The following CAMK1D variants were observed in gnomAD, a reference collection of about 807,000 sequenced individuals.
CAMK1D encodes calcium/calmodulin dependent protein kinase ID.
In CAMK1D, 9 loss-of-function variants were observed where a neutral mutation model predicts 47.7. That is an observed-to-expected ratio of 0.19 (90% CI 0.11 to 0.33). The LOEUF (loss-of-function observed/expected upper bound fraction) is 0.33, where lower values mean the gene tolerates loss of function less well. CAMK1D is among the 10% of genes least tolerant of loss of function. The probability of loss-of-function intolerance (pLI) is 1.00; values close to 1 mark genes in which losing one functional copy is unlikely to be tolerated. For synonymous variants in CAMK1D, 184 were observed against 184.9 expected (o/e 0.99, Z 0.04); for missense variants, 291 against 488.7 (o/e 0.60, Z 3.81).
At chr10:12,564,079 C>T (rs1837040058) in intron 2 of CAMK1D, among the ~76,000 whole-genome samples, 1 of 150,842 alleles carries the variant, frequency 6.6e-6, no homozygotes, top group Non-Finnish European at 1.5e-5. Flanking sequence ...GTCTATCTAT[C>T]TAGATATCTA....
chr10:12,809,739 G>C (rs1464083043), intron 6 of CAMK1D, among the ~76,000 whole-genome samples: 1 of 152,178 alleles, frequency 6.6e-6, no homozygotes. Flanking sequence ...TGGAGGGAGA[G>C]ACATGAGGAG....
intron 2 of CAMK1D, among the ~76,000 whole-genome samples, chr10:12,593,573 A>G (rs1000067167): frequency 1.3e-5 from 2 of 152,138 alleles, no homozygotes; most frequent in Non-Finnish European, 1.5e-5. Context: ...CTGGGCAACA[A>G]GAGCGAAACT....
At chr10:12,641,379 T>C (rs932588126) in intron 2 of CAMK1D, among the ~76,000 whole-genome samples, 1 of 152,180 alleles carries the variant, frequency 6.6e-6, no homozygotes, top group African/African-American at 2.4e-5. Context: ...CCCAGCACTT[T>C]AGGAGACTGA....
At chr10:12,461,132 C>T (rs1413447722) in intron 1 of CAMK1D, among the ~76,000 whole-genome samples, 1 of 152,204 alleles carries the variant, frequency 6.6e-6, no homozygotes, top group African/African-American at 2.4e-5. Flanking sequence ...CAGGATCGTC[C>T]TCATCCACCA....
At chr10:12,590,451 C>T (rs1363986002) in intron 2 of CAMK1D, among the ~76,000 whole-genome samples, 3 of 152,176 alleles carry the variant, frequency 2.0e-5, no homozygotes, top group East Asian at 1.9e-4. Flanking sequence ...ATCGTGAACT[C>T]CTGGCCTCAA....
intron 1 of CAMK1D, among the ~76,000 whole-genome samples, chr10:12,501,923 A>G (rs1259125111): frequency 6.6e-6 from 1 of 152,124 alleles, no homozygotes; most frequent in Non-Finnish European, 1.5e-5. Flanking sequence ...TGTGACCTCC[A>G]TGGAGGGGAG....
At chr10:12,728,837 G>A (rs527273625) in intron 3 of CAMK1D, among the ~76,000 whole-genome samples, 26 of 152,306 alleles carry the variant, frequency 1.7e-4, no homozygotes, top group African/African-American at 6.0e-4. Flanking sequence ...GTGTGCGCAC[G>A]CACACGTGCC....
intron 2 of CAMK1D, among the ~76,000 whole-genome samples, chr10:12,556,993 G>A (rs149587909): frequency 6.6e-6 from 1 of 152,312 alleles, no homozygotes; most frequent in Non-Finnish European, 1.5e-5. Flanking sequence ...TAGAGATTCG[G>A]AAGGAATGGG....
At chr10:12,784,493 G>A (rs1460860234) in intron 5 of CAMK1D, among the ~76,000 whole-genome samples, 1 of 150,862 alleles carries the variant, frequency 6.6e-6, no homozygotes, top group Non-Finnish European at 1.5e-5. Context: ...CCACCGTGCC[G>A]GCCAGAGAAA....
intron 1 of CAMK1D, among the ~76,000 whole-genome samples, chr10:12,434,480 G>C (rs746862067): frequency 2.6e-5 from 4 of 152,194 alleles, no homozygotes; most frequent in Non-Finnish European, 5.9e-5. Flanking sequence ...AGGCAGAATT[G>C]TGAGATTGGC....
At chr10:12,472,546 A>G (rs913667453) in intron 1 of CAMK1D, among the ~76,000 whole-genome samples, 4 of 151,900 alleles carry the variant, frequency 2.6e-5, no homozygotes, top group Admixed American at 1.3e-4. Flanking sequence ...ATTTTTTGAG[A>G]TGGAGTCTTG....
chr10:12,650,476 C>A (rs2132508739), intron 2 of CAMK1D, among the ~76,000 whole-genome samples: 1 of 152,334 alleles, frequency 6.6e-6, no homozygotes, highest in African/African-American at 2.4e-5. Context: ...TCTTCAGGGC[C>A]CTGCTGCCTA....
At chr10:12,403,449 G>T (rs1839301877) in intron 1 of CAMK1D, among the ~76,000 whole-genome samples, 1 of 152,198 alleles carries the variant, frequency 6.6e-6, no homozygotes, top group Non-Finnish European at 1.5e-5. Flanking sequence ...AGGATTCAGT[G>T]AGATGATTGA....
At chr10:12,366,724 G>A (rs1003955346) in intron 1 of CAMK1D, among the ~76,000 whole-genome samples, 4 of 152,054 alleles carry the variant, frequency 2.6e-5, no homozygotes, top group African/African-American at 9.7e-5. Context: ...TCTGCGGGGT[G>A]GGTGGCAGAT....
At chr10:12,350,160 G>A (rs923551267) in intron 1 of CAMK1D, among the ~76,000 whole-genome samples, 5 of 152,056 alleles carry the variant, frequency 3.3e-5, no homozygotes, top group African/African-American at 1.2e-4. Context: ...CCACGCGGGC[G>A]CGCGACTTCC....
chr10:12,776,912 G>A (rs561373466), intron 5 of CAMK1D, among the ~76,000 whole-genome samples: 35 of 152,248 alleles, frequency 2.3e-4, no homozygotes, highest in African/African-American at 7.9e-4. Flanking sequence ...ACCTCATTCC[G>A]CCTGAGCTTG....
At chr10:12,667,739 A>G (rs1840479065) in intron 3 of CAMK1D, among the ~76,000 whole-genome samples, 1 of 152,180 alleles carries the variant, frequency 6.6e-6, no homozygotes, top group South Asian at 2.1e-4. Context: ...GGGTATGGAG[A>G]ATTGATGATT....
chr10:12,363,564 A>G (rs1213021760), intron 1 of CAMK1D, among the ~76,000 whole-genome samples: 2 of 152,062 alleles, frequency 1.3e-5, no homozygotes, highest in Non-Finnish European at 2.9e-5. Context: ...ACCCAATACA[A>G]TGTAAATGTT....
At chr10:12,464,930 C>T (rs1833547851) in intron 1 of CAMK1D, among the ~76,000 whole-genome samples, 1 of 152,084 alleles carries the variant, frequency 6.6e-6, no homozygotes, top group East Asian at 1.9e-4. Context: ...TAAAGCAGAA[C>T]ATCACATTCA....
Sources: gnomAD v4.1 joint callset for allele counts (sites outside exome capture counted in the v4.1 genomes callset) on GRCh38, gnomAD v4.1.1 for gene constraint, MANE v1.5 for transcripts, NCBI Gene and HGNC (gene_info 2026-07-23, HGNC 2026-07-21) for gene names.